Variants in F7 observed in about 807,000 individuals in gnomAD.
F7 encodes the protein coagulation factor VII, also known as FVII coagulation protein.
F7 carries 38 observed loss-of-function variants against 47.5 expected under a neutral mutation model. The observed-to-expected ratio is 0.80, with a 90% CI of 0.62 to 1.05. F7 has a LOEUF of 1.05. Ranked by LOEUF, F7 falls within the 50% of genes least tolerant of loss-of-function variation. F7 has a pLI of 0.00. For missense variants in F7, 575 were observed against 605.4 expected, an observed-to-expected ratio of 0.95 and a Z score of 0.53; for synonymous variants, 244 against 258.5, an observed-to-expected ratio of 0.94 and a Z score of 0.54.
At chr13:113,107,973 T>C (rs1349037260) in intron 1 of F7, among the ~76,000 whole-genome samples, 2 of 18,096 alleles carry the variant, frequency 1.1e-4, no homozygotes, top group African/African-American at 1.9e-4. Flanking sequence ...GTCCCGGGAG[T>C]GTGGGTGTTC....
intron 4 of F7, 76 bp from the exon 5 acceptor site, chr13:113,115,584 G>C: frequency 6.5e-7 from 1 of 1,544,818 alleles, no homozygotes; most frequent in Non-Finnish European, 8.8e-7. Flanking sequence ...TGCTGACCCA[G>C]GGCATGGCCA....
chr13:113,115,607 G>C (rs773471899), intron 4 of F7, 53 bp from the exon 5 acceptor site: 245 of 1,592,878 alleles, frequency 1.5e-4, no homozygotes, highest in Non-Finnish European at 2.1e-4. Flanking sequence ...CCGGGGGCTG[G>C]CTCTCGCTGA....
At chr13:113,108,700 G>A (rs1200452399) in intron 1 of F7, among the ~76,000 whole-genome samples, 3 of 125,418 alleles carry the variant, frequency 2.4e-5, no homozygotes, top group Admixed American at 7.7e-5. Context: ...TGAGTGTCCC[G>A]GGGGTGTGGG....
chr13:113,113,842 C>A lies in F7; in HGVS notation c.251-5C>A. On this transcript the variant is annotated splice_polypyrimidine_tract_variant and splice_region_variant and intron_variant, in intron 3 of 7. Coordinates refer to ENST00000346342, the MANE Select transcript of F7 (RefSeq NM_019616.4). This position sits in a 1 kb window ranked among gnomAD's most constrained non-coding sequence, Gnocchi z 4.1. Reference sequence around the variant, plus strand: ...TCAGCTTACTGACACCAGCCCACTCCACAGATGGGGACCAGTGTGCCTCAA... The same window carrying A: ...TCAGCTTACTGACACCAGCCCACTCAACAGATGGGGACCAGTGTGCCTCAA... The A allele has an allele frequency of 6.2e-7, 1 of 1,614,216 alleles. No homozygotes were observed. The highest frequency in any genetic ancestry group is 8.5e-7 in the Non-Finnish European group (1 of 1,180,044).
At position 113,117,461 on chromosome 13, in the gene F7, C is replaced by T. The variant is rs765193452; in HGVS notation, c.616-12C>T. On this transcript the variant is annotated splice_polypyrimidine_tract_variant and intron_variant, in intron 6 of 7. Coordinates refer to ENST00000346342, the MANE Select transcript of F7 (RefSeq NM_019616.4). ...GCAATGTGACTTCCACACCTCCTGT[C>T]CCCCCGCCCAGGTCCTGTTGTTGGT... is the stretch of plus-strand genomic sequence containing the variant. 1.2e-6 allele frequency: 2 copies of T among 1,613,580 alleles called. No homozygotes were observed. Among genetic ancestry groups the T allele is most frequent in the South Asian group, 1.1e-5 (1 of 91,068 alleles).
chr13:113,116,710 G>T (rs1477071172), intron 5 of F7, 56 bp from the exon 6 acceptor site: 1 of 1,336,416 alleles, frequency 7.5e-7, no homozygotes, highest in African/African-American at 1.4e-5. Context: ...ATCTTTCCTA[G>T]TGGCACGTTC....
At chr13:113,118,384 A>G in intron 7 of F7, 29 bp from the exon 8 acceptor site, 1 of 1,568,456 alleles carries the variant, frequency 6.4e-7, no homozygotes, top group Non-Finnish European at 8.6e-7. Context: ...GGTGGTGGAA[A>G]GGGCCTGAGG....
At position 113,118,699 on chromosome 13, in the gene F7, G is replaced by A. The variant is rs1445986486; in HGVS notation, c.1026G>A (p.Arg342=). Residue 342 remains arginine, a synonymous_variant, in exon 8 of 8, where the codon CGG becomes CGA. Coordinates refer to ENST00000346342, the MANE Select transcript of F7 (RefSeq NM_019616.4). ...ALELMVLNVP[R]LMTQDCLQQS... Reference sequence around the variant, plus strand: ...AGCTCATGGTCCTCAACGTGCCCCGGCTGATGACCCAGGACTGCCTGCAGC... The same window carrying A: ...AGCTCATGGTCCTCAACGTGCCCCGACTGATGACCCAGGACTGCCTGCAGC... 1.2e-6 allele frequency: 2 copies of A among 1,612,954 alleles called. No individual in the cohort carries two copies. Among genetic ancestry groups the A allele is most frequent in the South Asian group, 1.1e-5 (1 of 91,056 alleles).
In F7 at chr13:113,118,604, C is replaced by A. The variant is rs1462083049; in HGVS notation, c.931C>A (p.Leu311Met). The A allele has an allele frequency of 1.2e-6, 2 of 1,612,898 alleles. No individual in the cohort carries two copies. Among genetic ancestry groups the A allele is most frequent in the Non-Finnish European group, 1.7e-6 (2 of 1,179,922 alleles). Residue 311 changes from leucine to methionine, a missense_variant, in exon 8 of 8, where the codon CTG becomes ATG. Physicochemically the swap from Leu to Met is conservative, Grantham distance 15. Transcript: ENST00000346342. ...CGAACGGACGTTCTCTGAGAGGACG[C>A]TGGCCTTCGTGCGCTTCTCATTGGT... The part of the protein sequence containing the change: ...LPERTFSERT[L>M]AFVRFSLVSG...
At chr13:113,115,204 C>G (rs2036172723) in intron 4 of F7, among the ~76,000 whole-genome samples, 1 of 152,250 alleles carries the variant, frequency 6.6e-6, no homozygotes, top group Non-Finnish European at 1.5e-5. Context: ...CTGGGACTAA[C>G]TGTCCCCAGG....
At position 113,113,909 on chromosome 13, in the gene F7, T is replaced by G; in HGVS notation, c.313T>G (p.Ser105Ala). Reference sequence around the variant, plus strand: ...GGGCTCCTGCAAGGACCAGCTCCAGTCCTATATCTGCTTCTGCCTCCCTGC... The same window carrying G: ...GGGCTCCTGCAAGGACCAGCTCCAGGCCTATATCTGCTTCTGCCTCCCTGC... ...NGGSCKDQLQ[S>A]YICFCLPAFE... is the part of the protein sequence containing the mutation. The change falls in exon 4 of 8, where the codon TCC becomes GCC. Residue 105 changes from serine to alanine, a missense_variant. Physicochemically the swap from Ser to Ala is moderately conservative, Grantham distance 99. Transcript: ENST00000346342. This position sits in a 1 kb window ranked among gnomAD's most constrained non-coding sequence, Gnocchi z 4.1. 1 of 1,614,098 alleles carries G rather than the reference T, an allele frequency of 6.2e-7. No homozygotes were observed.
chr13:113,112,849 ACT>A (rs2036129511), intron 2 of F7, among the ~76,000 whole-genome samples: 1 of 145,868 alleles, frequency 6.9e-6, no homozygotes. Context: ...AGGTCACCTT[ACT>A]CTCACAGGAC....
At position 113,112,911 on chromosome 13, in the gene F7, G is replaced by C. The variant is rs572540553; in HGVS notation, c.226-841G>C. 2.7e-5 allele frequency among the ~76,000 whole-genome samples: 4 copies of C among 147,152 alleles called. No homozygotes were observed. The East Asian group carries it at 8.5e-4, about 31-fold the overall frequency. ...CCCACAGGTCACCATACCTCACACAGATCACCTCATACTCACAGATCACTT... is the reference window on the plus strand; with the variant it reads ...CCCACAGGTCACCATACCTCACACACATCACCTCATACTCACAGATCACTT... On this transcript the variant is annotated intron_variant, in intron 2 of 7. Transcript: ENST00000346342.
intron 2 of F7, 32 bp downstream of exon 2, chr13:113,110,882 G>C (rs753040774): frequency 2.3e-5 from 35 of 1,548,404 alleles, no homozygotes; most frequent in Non-Finnish European, 2.5e-5. Context: ...CCCGCGCCGC[G>C]GACACTGCAG....
intron 5 of F7, 21 bp from the exon 6 acceptor site, chr13:113,116,745 T>C: frequency 3.9e-6 from 6 of 1,542,292 alleles, no homozygotes; most frequent in Non-Finnish European, 5.4e-6. Context: ...TCTGCATCTT[T>C]CTGACTTTTG....
At chr13:113,110,416 C>T (rs2036067576) in intron 1 of F7, 2 of 411,652 alleles carry the variant, frequency 4.9e-6, no homozygotes, top group East Asian at 9.5e-5. Flanking sequence ...GCGCCCGCAG[C>T]CCCCTTCGGC....
chr13:113,110,512 G>A (rs1199862871), intron 1 of F7, 178 bp from the exon 2 acceptor site: 1 of 762,184 alleles, frequency 1.3e-6, no homozygotes. Context: ...GGGCGACGGG[G>A]GTGGCTGACC....
At position 113,113,788 on chromosome 13, in the gene F7, A is replaced by T. The variant is rs2036146112; in HGVS notation, c.250+12A>T. The T allele has an allele frequency of 6.2e-7, 1 of 1,614,026 alleles. No homozygotes were observed. Among genetic ancestry groups the T allele is most frequent in the South Asian group, 1.1e-5 (1 of 91,084 alleles). On this transcript the variant is annotated intron_variant, in intron 3 of 7. Coordinates refer to ENST00000346342, the MANE Select transcript of F7 (RefSeq NM_019616.4). The surrounding 1 kb of genome is among the most constrained non-coding windows in gnomAD (Gnocchi z 4.1). ...GATTTCTTACAGTGGTGAGTGGATGATCACCACCAGTCCTGCCTGCAACCC... is the reference window on the plus strand; with the variant it reads ...GATTTCTTACAGTGGTGAGTGGATGTTCACCACCAGTCCTGCCTGCAACCC...
At chr13:113,116,723 C>A in intron 5 of F7, 43 bp from the exon 6 acceptor site, 2 of 1,416,562 alleles carry the variant, frequency 1.4e-6, no homozygotes, top group Non-Finnish European at 2.0e-6. Flanking sequence ...GCACGTTCAT[C>A]CCTCACAAAT....
Sources: allele counts gnomAD v4.1 joint callset (sites outside exome capture counted in the v4.1 genomes callset), GRCh38; gene constraint gnomAD v4.1.1; non-coding constraint Gnocchi (gnomAD v3.1); transcripts MANE v1.5; gene names NCBI Gene and HGNC (gene_info 2026-07-23, HGNC 2026-07-21).